SSBP3: variants seen among roughly 807,000 people sequenced by gnomAD.
SSBP3 encodes the protein single-stranded DNA-binding protein 3.
Under a neutral mutation model 69.6 loss-of-function variants are expected in SSBP3, and 5 were observed. The observed-to-expected ratio is 0.07, with a 90% confidence interval of 0.04 to 0.15. The LOEUF is 0.15. Ranked by LOEUF, SSBP3 falls within the 10% of genes least tolerant of loss-of-function variation. The pLI is 1.00. For synonymous variants in SSBP3, 196 were observed against 193.4 expected (o/e 1.01, Z -0.11); for missense variants, 312 against 534.0 (o/e 0.58, Z 4.10).
chr1:54,332,006 G>T (rs557241049), intron 4 of SSBP3, among the ~76,000 whole-genome samples: 2 of 152,296 alleles, frequency 1.3e-5, no homozygotes, highest in Non-Finnish European at 2.9e-5. Flanking sequence ...GGGCTGCAAG[G>T]TCACTGGAGG....
rs115043214 is a variant in SSBP3, at chr1:54,240,942, G to A, written c.819C>T (p.Gly273=). The A allele has an allele frequency of 9.8e-4, 1,571 of 1,610,084 alleles. 7 individuals carry two copies. The African/African-American group carries it at 0.018, about 18-fold the overall frequency. Residue 273 remains glycine, a synonymous_variant, in exon 13 of 18, where the codon GGC becomes GGT. Coordinates refer to ENST00000610401, the Ensembl canonical transcript of SSBP3. ...GCATAATGGGTGTTCCTGGAGGACC[G>A]CCACCACCAGGGGGTCCCTAAAGAT... is the stretch of plus-strand genomic sequence containing the variant.
intron 4 of SSBP3, among the ~76,000 whole-genome samples, chr1:54,387,855 C>T (rs1648202015): frequency 6.6e-6 from 1 of 152,160 alleles, no homozygotes; most frequent in Non-Finnish European, 1.5e-5. Flanking sequence ...ACCCTTGCTG[C>T]ACTCGAGTCG....
At chr1:54,316,662 AAATAAATAAATAAATAAATAAAT>A (rs1646110753) in intron 4 of SSBP3, among the ~76,000 whole-genome samples, 5 of 26,472 alleles carry the variant, frequency 1.9e-4, no homozygotes, top group African/African-American at 7.0e-4. Flanking sequence ...AAAAAAAATA[AAATAAATAAATAAATAAATAAAT>A]AAATAAATAA....
At chr1:54,323,102 G>A (rs1327452866) in intron 4 of SSBP3, among the ~76,000 whole-genome samples, 1 of 152,160 alleles carries the variant, frequency 6.6e-6, no homozygotes, top group Non-Finnish European at 1.5e-5. Flanking sequence ...GGGGTGAGGA[G>A]AGGTACAGGG....
chr1:54,262,047 T>C (rs916124640), intron 5 of SSBP3, among the ~76,000 whole-genome samples: 1 of 152,170 alleles, frequency 6.6e-6, no homozygotes. Context: ...AAACATCACA[T>C]TCCCATTTGC....
intron 4 of SSBP3, among the ~76,000 whole-genome samples, chr1:54,312,072 T>TG (rs971820725): frequency 9.2e-5 from 14 of 152,152 alleles, no homozygotes; most frequent in Admixed American, 6.5e-4. Context: ...AAAGTCTTGC[T>TG]GGGGGCAAGT....
chr1:54,354,683 T>A (rs1169971782), intron 4 of SSBP3, among the ~76,000 whole-genome samples: 2 of 151,748 alleles, frequency 1.3e-5, no homozygotes, highest in Non-Finnish European at 2.9e-5. Context: ...TCCAGCCCAC[T>A]CCCCGCTCCC....
At chr1:54,272,488 T>TAAA (rs1170938104) in intron 5 of SSBP3, among the ~76,000 whole-genome samples, 45 of 148,074 alleles carry the variant, frequency 3.0e-4, no homozygotes, top group South Asian at 2.3e-3. Context: ...ACCTTTTTTT[T>TAAA]AAAAAAAAAA....
At chr1:54,290,161 G>A (rs1349050537) in intron 4 of SSBP3, among the ~76,000 whole-genome samples, 1 of 152,216 alleles carries the variant, frequency 6.6e-6, no homozygotes, top group Admixed American at 6.5e-5. Flanking sequence ...ACACTTAAAA[G>A]TGGTCACCTG....
Position 54,258,138 on chromosome 1 carries a change from C to T in SSBP3, c.378G>A (p.Gly126=), listed in dbSNP as rs542074929. The change falls in exon 6 of 18, where the codon GGG becomes GGA. Residue 126 remains glycine, a synonymous_variant. Transcript: ENST00000610401. This position sits in a 1 kb window ranked among gnomAD's most constrained non-coding sequence, Gnocchi z 4.5. ...GCTGTGCGTGCGGCGAGGGCTGTGA[C>T]CCCGGAGGACCCTGTGAGGCCAGAC... 7.5e-6 allele frequency: 12 copies of T among 1,591,770 alleles called. 1 individual carries two copies. In the South Asian group the frequency reaches 1.0e-4, roughly 14 times the overall value.
intron 4 of SSBP3, among the ~76,000 whole-genome samples, chr1:54,380,350 C>A (rs1011646818): frequency 6.6e-6 from 1 of 152,186 alleles, no homozygotes; most frequent in Non-Finnish European, 1.5e-5. Context: ...CTGGACAGTA[C>A]CCCAGCACCT....
At chr1:54,312,120 T>C (rs906788555) in intron 4 of SSBP3, among the ~76,000 whole-genome samples, 1 of 152,086 alleles carries the variant, frequency 6.6e-6, no homozygotes, top group African/African-American at 2.4e-5. Context: ...AGGGTGCAGC[T>C]TGGGATGTGT....
At chr1:54,402,061 C>T (rs1423237358) in intron 3 of SSBP3, 116 bp from the exon 4 acceptor site, 2 of 780,696 alleles carry the variant, frequency 2.6e-6, no homozygotes, top group South Asian at 2.0e-5. Context: ...TCAATCCCAC[C>T]TTATCAGCTC....
intron 5 of SSBP3, among the ~76,000 whole-genome samples, chr1:54,261,365 G>A (rs546526305): frequency 6.6e-6 from 1 of 152,358 alleles, no homozygotes; most frequent in South Asian, 2.1e-4. Context: ...GTTTGAAGAA[G>A]ACGGACTTTG....
At chr1:54,412,756 T>G (rs1489352509) in intron 1 of SSBP3, 1 of 152,156 alleles carries the variant, frequency 6.6e-6, no homozygotes. Context: ...GCTGTGTCGC[T>G]CCGTTTGGAG....
intron 4 of SSBP3, among the ~76,000 whole-genome samples, chr1:54,345,995 A>AAC (rs1553142802): frequency 9.9e-5 from 15 of 151,682 alleles, no homozygotes; most frequent in Admixed American, 5.3e-4. Flanking sequence ...ACAAAAAAAA[A>AAC]AAAACAAAAC....
At chr1:54,242,313 G>C in intron 10 of SSBP3, 101 bp from the exon 11 acceptor site, 1 of 1,406,122 alleles carries the variant, frequency 7.1e-7, no homozygotes, top group South Asian at 1.2e-5. Flanking sequence ...ATCACAACAG[G>C]AAGTCCTTCC....
At chr1:54,328,353 C>G (rs1452068990) in intron 4 of SSBP3, among the ~76,000 whole-genome samples, 1 of 152,142 alleles carries the variant, frequency 6.6e-6, no homozygotes, top group African/African-American at 2.4e-5. Context: ...GCTGAGGTGA[C>G]CAAAAGCTTC....
intron 4 of SSBP3, among the ~76,000 whole-genome samples, chr1:54,401,635 A>T (rs1649310966): frequency 6.6e-6 from 1 of 152,224 alleles, no homozygotes; most frequent in African/African-American, 2.4e-5. Flanking sequence ...AGATATCTAC[A>T]CAATTTTGCA....
Sources: gnomAD v4.1 joint callset for allele counts (sites outside exome capture counted in the v4.1 genomes callset) on GRCh38, gnomAD v4.1.1 for gene constraint, Gnocchi (gnomAD v3.1) non-coding constraint, MANE v1.5 for transcripts, NCBI Gene and HGNC (gene_info 2026-07-23, HGNC 2026-07-21) for gene names.